TAFA2: variants seen among roughly 807,000 people sequenced by gnomAD.
The protein encoded by TAFA2 is TAFA chemokine like family member 2.
In TAFA2, 7 loss-of-function variants were observed where a neutral mutation model predicts 18.8. The ratio of observed to expected loss-of-function variants is 0.37; its 90% CI spans 0.21 to 0.70. The LOEUF (loss-of-function observed/expected upper bound fraction) is 0.70, where lower values mean the gene tolerates loss of function less well. Among genes scored for constraint, TAFA2 ranks in the 30% least tolerant of loss-of-function variants. The probability of loss-of-function intolerance (pLI) is 0.53; values close to 1 mark genes in which losing one functional copy is unlikely to be tolerated. For missense variants in TAFA2, 122 were observed against 158.1 expected (o/e 0.77, Z 1.23); for synonymous variants, 60 against 54.2 (o/e 1.11, Z -0.47).
intron 1 of TAFA2, among the ~76,000 whole-genome samples, chr12:62,178,432 G>A (rs1162713983): frequency 6.6e-6 from 1 of 152,126 alleles, no homozygotes; most frequent in Non-Finnish European, 1.5e-5. Flanking sequence ...AGGAAACAAA[G>A]GTTTACTTTG....
chr12:61,870,041 C>A (rs10877753), intron 1 of TAFA2, among the ~76,000 whole-genome samples: 45,380 of 151,998 alleles, frequency 0.3, 6,861 homozygotes, highest in East Asian at 0.36. Flanking sequence ...ACAGAACTGA[C>A]AGATGGTCAA....
chr12:62,174,414 G>A lies in TAFA2; in HGVS notation c.-2+16845C>T, dbSNP rs1426127927. 2.6e-5 allele frequency among the ~76,000 whole-genome samples: 4 copies of A among 152,228 alleles called. No individual in the cohort carries two copies. In the East Asian group the frequency reaches 7.7e-4, roughly 29 times the overall value. On this transcript the variant is annotated intron_variant, in intron 1 of 4. Coordinates refer to ENST00000416284, the MANE Select transcript of TAFA2 (RefSeq NM_178539.5). ...TTCAAGGAAAGGCTGAGGAAGAGGA[G>A]CCAGCAAGGAGGCTTTAAAGAAAGT...
At chr12:62,165,103 CAGA>C (rs2062430047) in intron 1 of TAFA2, among the ~76,000 whole-genome samples, 1 of 152,076 alleles carries the variant, frequency 6.6e-6, no homozygotes, top group African/African-American at 2.4e-5. Context: ...ATAAAACATA[CAGA>C]GGGCGAGACT....
At chr12:62,154,907 A>G (rs2062358085) in intron 1 of TAFA2, among the ~76,000 whole-genome samples, 1 of 152,084 alleles carries the variant, frequency 6.6e-6, no homozygotes, top group African/African-American at 2.4e-5. Context: ...GCCCACTCTC[A>G]GCACTCCTCT....
At chr12:61,953,434 G>T (rs1294228001) in intron 1 of TAFA2, among the ~76,000 whole-genome samples, 1 of 151,836 alleles carries the variant, frequency 6.6e-6, no homozygotes, top group South Asian at 2.1e-4. Flanking sequence ...TAATTGCAGT[G>T]AAGTTATATT....
At chr12:62,075,028 T>C (rs1277245501) in intron 1 of TAFA2, among the ~76,000 whole-genome samples, 1 of 152,126 alleles carries the variant, frequency 6.6e-6, no homozygotes, top group East Asian at 1.9e-4. Context: ...ATTTAATGAC[T>C]ACAAGAAACT....
intron 1 of TAFA2, among the ~76,000 whole-genome samples, chr12:62,093,823 A>T (rs1868827674): frequency 6.6e-6 from 1 of 152,070 alleles, no homozygotes; most frequent in African/African-American, 2.4e-5. Flanking sequence ...AAGACCAACA[A>T]ATCAGATAAT....
intron 2 of TAFA2, among the ~76,000 whole-genome samples, chr12:61,791,191 T>C (rs1479216135): frequency 2.0e-5 from 3 of 151,782 alleles, no homozygotes; most frequent in Admixed American, 1.3e-4. Context: ...TTTTGGCATA[T>C]ACAAAACTCA....
intron 4 of TAFA2, among the ~76,000 whole-genome samples, chr12:61,738,357 C>T (rs2120687749): frequency 6.6e-6 from 1 of 151,036 alleles, no homozygotes; most frequent in South Asian, 2.1e-4. Flanking sequence ...CAGGCTAATA[C>T]TCCTCCCTCT....
intron 1 of TAFA2, among the ~76,000 whole-genome samples, chr12:62,190,543 T>C (rs2062616286): frequency 6.6e-6 from 1 of 152,192 alleles, no homozygotes; most frequent in African/African-American, 2.4e-5. Flanking sequence ...GCCATTCTTA[T>C]TCTGAACGCT....
At chr12:61,941,280 A>G (rs1877997817) in intron 1 of TAFA2, among the ~76,000 whole-genome samples, 1 of 152,234 alleles carries the variant, frequency 6.6e-6, no homozygotes, top group African/African-American at 2.4e-5. Flanking sequence ...GATACATAAA[A>G]TATATCATTA....
intron 1 of TAFA2, among the ~76,000 whole-genome samples, chr12:62,173,891 A>T (rs1033082174): frequency 5.3e-5 from 8 of 152,244 alleles, no homozygotes; most frequent in African/African-American, 1.4e-4. Flanking sequence ...ATGGAGAGAC[A>T]TAGCGTATAG....
chr12:61,794,982 CTCA>C (rs1212653611), intron 2 of TAFA2, among the ~76,000 whole-genome samples: 1 of 152,138 alleles, frequency 6.6e-6, no homozygotes, highest in African/African-American at 2.4e-5. Flanking sequence ...TGAAAAAATG[CTCA>C]TCATCACTGG....
chr12:61,710,805 C>T (rs941518168), intron 4 of TAFA2, among the ~76,000 whole-genome samples: 45 of 152,018 alleles, frequency 3.0e-4, no homozygotes, highest in African/African-American at 1.1e-3. Flanking sequence ...GAAGAAAGAC[C>T]TTTGTCCCCA....
At chr12:61,982,444 A>C (rs192636857) in intron 1 of TAFA2, among the ~76,000 whole-genome samples, 43 of 152,276 alleles carry the variant, frequency 2.8e-4, no homozygotes, top group African/African-American at 9.9e-4. Flanking sequence ...ATAATTAAAA[A>C]AAAGAAAAGA....
intron 1 of TAFA2, among the ~76,000 whole-genome samples, chr12:62,125,283 CAG>C (rs1316888355): frequency 6.6e-6 from 1 of 152,098 alleles, no homozygotes; most frequent in Non-Finnish European, 1.5e-5. Flanking sequence ...TGATTGAAAA[CAG>C]AGCAGGAACC....
chr12:61,810,418 AT>A lies in TAFA2; in HGVS notation c.107-55395del, dbSNP rs1277771267. ...TATTAAGTACACTTAAAGAGATTAA[AT>A]GTAGCCTTAAATAAAGAAGACAATA... On this transcript the variant is annotated intron_variant, in intron 2 of 4. Transcript: ENST00000416284. 4.6e-5 allele frequency among the ~76,000 whole-genome samples: 7 copies of A among 151,448 alleles called. No homozygotes were observed. In the East Asian group the frequency reaches 1.3e-3, roughly 29 times the overall value.
At chr12:61,798,195 C>T (rs1425941829) in intron 2 of TAFA2, among the ~76,000 whole-genome samples, 3 of 152,032 alleles carry the variant, frequency 2.0e-5, no homozygotes, top group Non-Finnish European at 4.4e-5. Context: ...TATTAATTTG[C>T]TATTAAATTG....
rs576715480 is a variant in TAFA2, at chr12:61,898,199, C to T, written c.-1-30773G>A. Among the ~76,000 whole-genome samples, 4 of 152,244 alleles carry T rather than the reference C, an allele frequency of 2.6e-5. No individual in the cohort carries two copies. The East Asian group carries it at 7.7e-4, about 29-fold the overall frequency. ...GCAGGGTACAGCCCCACCCAACCAC[C>T]ACCCCCAGCTGCTTTCACAGCTGGT... is the stretch of plus-strand genomic sequence containing the variant. On this transcript the variant is annotated intron_variant, in intron 1 of 4. Transcript: ENST00000416284.
Sources: allele counts gnomAD v4.1 joint callset (sites outside exome capture counted in the v4.1 genomes callset), GRCh38; gene constraint gnomAD v4.1.1; transcripts MANE v1.5; gene names NCBI Gene and HGNC (gene_info 2026-07-23, HGNC 2026-07-21).